The following CADM1 variants were observed in gnomAD, a reference collection of about 807,000 sequenced individuals.
CADM1 encodes cell adhesion molecule 1.
Under a neutral mutation model 53.1 loss-of-function variants are expected in CADM1, and 15 were observed. That is an observed-to-expected ratio of 0.28 (90% CI 0.19 to 0.44). The LOEUF is 0.44. Among genes scored for constraint, CADM1 ranks in the 20% least tolerant of loss-of-function variants. CADM1 has a pLI of 1.00. For missense variants in CADM1, 434 were observed against 611.3 expected, an observed-to-expected ratio of 0.71 and a Z score of 3.06; for synonymous variants, 281 against 243.0, an observed-to-expected ratio of 1.16 and a Z score of -1.45.
At chr11:115,388,738 A>G (rs558416220) in intron 1 of CADM1, among the ~76,000 whole-genome samples, 1 of 152,256 alleles carries the variant, frequency 6.6e-6, no homozygotes, top group African/African-American at 2.4e-5. Flanking sequence ...GGAGTTCTGT[A>G]TATTTTTTAA....
chr11:115,322,487 G>A (rs932899453), intron 1 of CADM1, among the ~76,000 whole-genome samples: 4 of 152,110 alleles, frequency 2.6e-5, no homozygotes, highest in Admixed American at 1.3e-4. Flanking sequence ...ATAGAGTTGT[G>A]CAACTATCAC....
intron 1 of CADM1, among the ~76,000 whole-genome samples, chr11:115,423,355 C>T (rs1032475127): frequency 6.6e-6 from 1 of 152,194 alleles, no homozygotes; most frequent in African/African-American, 2.4e-5. Context: ...CTTGTACTTG[C>T]CCCAGGAGAA....
At chr11:115,428,768 AGT>A (rs1030948894) in intron 1 of CADM1, among the ~76,000 whole-genome samples, 5 of 60,826 alleles carry the variant, frequency 8.2e-5, no homozygotes, top group Non-Finnish European at 8.0e-5. Flanking sequence ...AAAAACTAGC[AGT>A]GTGTGTGTGC....
In CADM1 at chr11:115,175,660, C is replaced by A; in HGVS notation, c.*814G>T. The A allele has an allele frequency of 1.0e-6, 1 of 986,016 alleles. No individual in the cohort carries two copies. The highest frequency in any genetic ancestry group is 1.2e-6 in the Non-Finnish European group (1 of 830,224). 61.1% of individuals were successfully genotyped at this position (986,016 alleles called of 1,614,324 possible). A position where few individuals can be genotyped will look rare whatever the true frequency, so the allele number is the denominator to read the frequency against. ...TTCTGCCCCAAACCTTTCTGGACAG[C>A]GTAGGGTATCTATACTGAGCCGTCT... On this transcript the variant is annotated 3_prime_UTR_variant, in exon 12 of 12. Transcript: ENST00000331581.
At chr11:115,292,134 CACTT>C (rs1417980547) in intron 1 of CADM1, among the ~76,000 whole-genome samples, 1 of 152,180 alleles carries the variant, frequency 6.6e-6, no homozygotes, top group Non-Finnish European at 1.5e-5. Flanking sequence ...ATGGCAAAAA[CACTT>C]ACTTCCGCAC....
At chr11:115,208,030 C>CACT (rs1940779232) in intron 8 of CADM1, among the ~76,000 whole-genome samples, 1 of 152,156 alleles carries the variant, frequency 6.6e-6, no homozygotes, top group Non-Finnish European at 1.5e-5. Flanking sequence ...CTTTGATATG[C>CACT]TGGTGAATAG....
intron 1 of CADM1, among the ~76,000 whole-genome samples, chr11:115,386,451 A>T (rs1446045126): frequency 1.3e-5 from 2 of 152,232 alleles, no homozygotes. Context: ...AAAGAAAAGG[A>T]ATTAATTTCT....
intron 1 of CADM1, among the ~76,000 whole-genome samples, chr11:115,500,782 A>T (rs1269888602): frequency 6.6e-6 from 1 of 152,222 alleles, no homozygotes; most frequent in African/African-American, 2.4e-5. Context: ...GCTGGAAGAA[A>T]GGATTTCACA....
chr11:115,202,197 A>AT (rs932399839), intron 8 of CADM1, among the ~76,000 whole-genome samples: 11 of 151,874 alleles, frequency 7.2e-5, no homozygotes, highest in South Asian at 2.1e-4. Flanking sequence ...CAAAAAAAAA[A>AT]AATAATACTG....
chr11:115,461,859 T>G (rs1948802310), intron 1 of CADM1, among the ~76,000 whole-genome samples: 3 of 152,014 alleles, frequency 2.0e-5, no homozygotes, highest in Admixed American at 1.3e-4. Context: ...AGCAGGTAGT[T>G]GACAATGCAG....
chr11:115,210,961 C>T (rs187570594), intron 7 of CADM1, among the ~76,000 whole-genome samples: 141 of 152,200 alleles, frequency 9.3e-4, no homozygotes, highest in African/African-American at 3.2e-3. Flanking sequence ...TGGGAGGCTC[C>T]GTTCCTTTAA....
intron 6 of CADM1, among the ~76,000 whole-genome samples, chr11:115,217,611 G>T (rs906311068): frequency 2.0e-5 from 3 of 152,158 alleles, no homozygotes; most frequent in Admixed American, 6.5e-5. Flanking sequence ...TTATTTTTTT[G>T]TGTGTGAGAG....
chr11:115,375,974 G>A (rs1946427963), intron 1 of CADM1, among the ~76,000 whole-genome samples: 1 of 151,830 alleles, frequency 6.6e-6, no homozygotes, highest in Admixed American at 6.6e-5. Context: ...AATTAAAGGT[G>A]GTTATAATTA....
At chr11:115,271,596 G>C (rs1380520435) in intron 1 of CADM1, among the ~76,000 whole-genome samples, 1 of 152,168 alleles carries the variant, frequency 6.6e-6, no homozygotes, top group Non-Finnish European at 1.5e-5. Context: ...ATTTTGATCA[G>C]TACAGTCAAC....
At chr11:115,461,833 CA>C (rs1383549554) in intron 1 of CADM1, among the ~76,000 whole-genome samples, 2 of 151,758 alleles carry the variant, frequency 1.3e-5, no homozygotes, top group Non-Finnish European at 2.9e-5. Context: ...GGGGGACTCC[CA>C]GGGGTAGCAG....
chr11:115,214,841 C>A (rs763771913), intron 6 of CADM1, 61 bp from the exon 7 acceptor site: 16 of 1,484,154 alleles, frequency 1.1e-5, no homozygotes, highest in Non-Finnish European at 1.5e-5. Context: ...TCAAACTGCT[C>A]ACCCACATGC....
intron 1 of CADM1, among the ~76,000 whole-genome samples, chr11:115,283,199 C>T (rs1279417745): frequency 1.3e-5 from 2 of 152,082 alleles, no homozygotes; most frequent in Admixed American, 1.3e-4. Context: ...AAAACAGTCC[C>T]TGAAAGAGGA....
chr11:115,293,787 T>C (rs1453937751), intron 1 of CADM1, among the ~76,000 whole-genome samples: 5 of 152,168 alleles, frequency 3.3e-5, no homozygotes, highest in African/African-American at 9.7e-5. Flanking sequence ...AATCAACAAC[T>C]GTAGTTTAAG....
At chr11:115,206,175 G>A (rs1189193819) in intron 8 of CADM1, among the ~76,000 whole-genome samples, 3 of 152,142 alleles carry the variant, frequency 2.0e-5, no homozygotes, top group Non-Finnish European at 4.4e-5. Flanking sequence ...GTATGGGTAC[G>A]GTTTCTGTTG....
Sources: allele counts gnomAD v4.1 joint callset (sites outside exome capture counted in the v4.1 genomes callset), GRCh38; gene constraint gnomAD v4.1.1; transcripts MANE v1.5; gene names NCBI Gene and HGNC (gene_info 2026-07-23, HGNC 2026-07-21).